Variants in HECW2 observed in about 807,000 individuals in gnomAD.
The protein encoded by HECW2 is HECT, C2 and WW domain containing E3 ubiquitin protein ligase 2.
A neutral mutation model predicts 175.2 loss-of-function variants in HECW2; 61 were observed. The ratio of observed to expected loss-of-function variants is 0.35; its 90% CI spans 0.28 to 0.43. HECW2 has a LOEUF of 0.43. HECW2 is among the 20% of genes least tolerant of loss of function. The pLI is 1.00. For synonymous variants in HECW2, 671 were observed against 731.0 expected, an observed-to-expected ratio of 0.92 and a Z score of 1.32; for missense variants, 1,524 against 2,000.5, an observed-to-expected ratio of 0.76 and a Z score of 4.54.
intron 17 of HECW2, among the ~76,000 whole-genome samples, chr2:196,258,657 C>T (rs182590245): frequency 1.0e-3 from 154 of 152,180 alleles, no homozygotes; most frequent in African/African-American, 3.6e-3. Context: ...TATATGAATA[C>T]AATTTTAATA....
intron 28 of HECW2, among the ~76,000 whole-genome samples, chr2:196,213,199 A>G (rs1404654402): frequency 6.6e-6 from 1 of 152,152 alleles, no homozygotes; most frequent in African/African-American, 2.4e-5. Context: ...AGTTCTTTTA[A>G]TTTTTTCCCT....
intron 2 of HECW2, among the ~76,000 whole-genome samples, chr2:196,406,917 A>T (rs944246512): frequency 4.8e-4 from 73 of 152,142 alleles, no homozygotes; most frequent in African/African-American, 1.7e-3. Flanking sequence ...TATTATCTGC[A>T]TTGTACTTAC....
In HECW2 at chr2:196,319,520, A is replaced by G; in HGVS notation, c.1370T>C (p.Leu457Pro). 6.2e-7 allele frequency: 1 copy of G among 1,614,120 alleles called. No individual in the cohort carries two copies. Among genetic ancestry groups the G allele is most frequent in the Non-Finnish European group, 8.5e-7 (1 of 1,180,040 alleles). Residue 457 changes from leucine to proline, a missense_variant, in exon 9 of 29, where the codon CTC (leucine) becomes CCC (proline). Physicochemically the swap from Leu to Pro is moderately conservative, Grantham distance 98. This residue lies in a region of HECW2 where 604 missense variants were observed against 588.3 expected (regional missense o/e 1.03). Transcript: ENST00000644978. ...TGAATCAATATGAAGCATGGCATTGAGTCTTGTGTCAGTGGGAAAACTACT... is the reference window on the plus strand; with the variant it reads ...TGAATCAATATGAAGCATGGCATTGGGTCTTGTGTCAGTGGGAAAACTACT... ...LRSSFPTDTR[L>P]NAMLHIDSDE... is the part of the protein sequence containing the mutation.
At chr2:196,228,018 T>C in intron 22 of HECW2, 84 bp downstream of exon 22, 20 of 1,278,006 alleles carry the variant, frequency 1.6e-5, no homozygotes, top group Non-Finnish European at 2.0e-5. Flanking sequence ...GAAAAAATGT[T>C]TTAATGTTTA....
intron 1 of HECW2, among the ~76,000 whole-genome samples, chr2:196,441,967 G>A (rs983415145): frequency 2.6e-5 from 4 of 151,942 alleles, no homozygotes; most frequent in African/African-American, 9.7e-5. Flanking sequence ...TAAAGAATAT[G>A]TTATAATCCA....
At chr2:196,562,956 T>C (rs890668021) in intron 1 of HECW2, among the ~76,000 whole-genome samples, 1 of 151,958 alleles carries the variant, frequency 6.6e-6, no homozygotes, top group Non-Finnish European at 1.5e-5. Context: ...GGTGGAAGGA[T>C]AGCTTGAGCC....
chr2:196,319,208 T>A lies in HECW2; in HGVS notation c.1682A>T (p.Asp561Val). 1.9e-6 allele frequency: 3 copies of A among 1,597,084 alleles called. No individual in the cohort carries two copies. The highest frequency in any genetic ancestry group is 2.6e-6 in the Non-Finnish European group (3 of 1,171,638). The part of the protein sequence containing the change: ...EGGPEPQPSA[D>V]QGSAELCGSQ... ...GCCACACAGTTCAGCACTGCCCTGG[T>A]CAGCACTGGGTTGAGGCTCTGGGCC... The change falls in exon 9 of 29, where the codon GAC (aspartate) becomes GTC (valine). Residue 561 changes from aspartate (D) to valine (V), a missense_variant. Coordinates refer to ENST00000644978, the MANE Select transcript of HECW2 (RefSeq NM_001348768.2).
intron 16 of HECW2, among the ~76,000 whole-genome samples, chr2:196,273,234 A>AT (rs1305378365): frequency 2.6e-5 from 4 of 151,960 alleles, no homozygotes; most frequent in African/African-American, 9.7e-5. Context: ...TGCCTGGCTA[A>AT]TTTTTTGTAT....
intron 23 of HECW2, among the ~76,000 whole-genome samples, chr2:196,225,171 C>T (rs1370858597): frequency 6.6e-6 from 1 of 152,206 alleles, no homozygotes; most frequent in Non-Finnish European, 1.5e-5. Flanking sequence ...TTTACAATAA[C>T]TGCAATCTTT....
intron 1 of HECW2, among the ~76,000 whole-genome samples, chr2:196,445,950 G>A (rs1282699126): frequency 2.6e-5 from 4 of 152,048 alleles, no homozygotes; most frequent in African/African-American, 9.7e-5. Context: ...CTTGATTTTT[G>A]TATATTCTCA....
intron 2 of HECW2, among the ~76,000 whole-genome samples, chr2:196,429,930 A>G (rs1334252008): frequency 6.6e-6 from 1 of 152,206 alleles, no homozygotes; most frequent in Admixed American, 6.5e-5. Context: ...CCAAGGCTTT[A>G]TAGAGAGCAG....
intron 1 of HECW2, among the ~76,000 whole-genome samples, chr2:196,490,537 T>C (rs531952766): frequency 1.3e-5 from 2 of 152,206 alleles, no homozygotes; most frequent in Admixed American, 6.5e-5. Context: ...CTCTGGAAAA[T>C]AGGCAGTTTC....
intron 1 of HECW2, among the ~76,000 whole-genome samples, chr2:196,528,921 G>A (rs753014234): frequency 3.9e-5 from 6 of 152,188 alleles, no homozygotes; most frequent in East Asian, 3.8e-4. Flanking sequence ...TCCAAAAACC[G>A]TTAAATGAGA....
At chr2:196,397,764 A>C in intron 2 of HECW2, among the ~76,000 whole-genome samples, 1 of 152,186 alleles carries the variant, frequency 6.6e-6, no homozygotes, top group Non-Finnish European at 1.5e-5. Flanking sequence ...TGGGATTTCC[A>C]CCAACTGTTT....
At chr2:196,568,606 G>A (rs550397663) in intron 1 of HECW2, among the ~76,000 whole-genome samples, 1 of 152,270 alleles carries the variant, frequency 6.6e-6, no homozygotes, top group South Asian at 2.1e-4. Flanking sequence ...AAAGCAACAT[G>A]CATTCAGTTG....
At chr2:196,427,506 A>T (rs766128850) in intron 2 of HECW2, among the ~76,000 whole-genome samples, 1 of 152,132 alleles carries the variant, frequency 6.6e-6, no homozygotes, top group Non-Finnish European at 1.5e-5. Flanking sequence ...TATCATCTAC[A>T]TCCTCTTTAA....
At chr2:196,346,796 C>T (rs989428005) in intron 2 of HECW2, among the ~76,000 whole-genome samples, 27 of 151,632 alleles carry the variant, frequency 1.8e-4, no homozygotes, top group African/African-American at 5.1e-4. Flanking sequence ...GTCAGGAATT[C>T]GAGACCAGCC....
At chr2:196,426,011 A>G (rs1695536591) in intron 2 of HECW2, among the ~76,000 whole-genome samples, 1 of 152,162 alleles carries the variant, frequency 6.6e-6, no homozygotes, top group African/African-American at 2.4e-5. Flanking sequence ...AACCTTCAGC[A>G]ACCACCACCC....
intron 2 of HECW2, among the ~76,000 whole-genome samples, chr2:196,373,932 T>C (rs1304101030): frequency 1.3e-5 from 2 of 151,006 alleles, no homozygotes; most frequent in African/African-American, 2.4e-5. Context: ...CTTGGGAGGC[T>C]GAGGCAGGAG....
Sources: allele counts gnomAD v4.1 joint callset (sites outside exome capture counted in the v4.1 genomes callset), GRCh38; gene constraint gnomAD v4.1.1; regional missense constraint gnomAD v4.1.1; transcripts MANE v1.5; gene names NCBI Gene and HGNC (gene_info 2026-07-23, HGNC 2026-07-21).